The following WDR27 variants were observed in gnomAD, a reference collection of about 807,000 sequenced individuals.
WDR27 encodes the protein WD repeat-containing protein 27.
A neutral mutation model predicts 114.4 loss-of-function variants in WDR27; 100 were observed. That is an observed-to-expected ratio of 0.87 (90% confidence interval 0.74 to 1.03). The LOEUF is 1.03. WDR27 is among the 50% of genes least tolerant of loss of function. The pLI is 0.00. For missense variants in WDR27, 1,129 were observed against 1,092.9 expected, an observed-to-expected ratio of 1.03 and a Z score of -0.47; for synonymous variants, 449 against 423.1, an observed-to-expected ratio of 1.06 and a Z score of -0.75.
chr6:169,450,912 C>T, the WDR27 span, among the ~76,000 whole-genome samples: 1 of 152,138 alleles, frequency 6.6e-6, no homozygotes, highest in Non-Finnish European at 1.5e-5. Flanking sequence ...GAATGAAGCT[C>T]CTATGAACAG....
intron 2 of WDR27, among the ~76,000 whole-genome samples, chr6:169,677,150 G>C (rs192763431): frequency 6.6e-6 from 1 of 152,350 alleles, no homozygotes; most frequent in East Asian, 1.9e-4. Flanking sequence ...AGGAAGACGA[G>C]ATGCTGAGGG....
At chr6:169,639,500 A>C (rs1818622700) in intron 17 of WDR27, among the ~76,000 whole-genome samples, 1 of 151,800 alleles carries the variant, frequency 6.6e-6, no homozygotes, top group South Asian at 2.1e-4. Flanking sequence ...CTGAGCACAC[A>C]CATATAAGTT....
rs1204810938 is a variant in WDR27, at chr6:169,645,045, A to T, written c.1658-1259T>A. Among the ~76,000 whole-genome samples, 29 of 60,726 alleles carry T rather than the reference A, an allele frequency of 4.8e-4. 7 individuals are homozygous for T. Among genetic ancestry groups the T allele is most frequent in the African/African-American group, 6.8e-4 (6 of 8,784 alleles). The allele number at this position is 60,726 out of a possible 152,430, so 39.8% of individuals were successfully genotyped here. ...AAATAAAAAAAAAAAATAAAAAAAAAAAAAAAAAAAAAAGAAAATCCTAGT... is the reference window on the plus strand; with the variant it reads ...AAATAAAAAAAAAAAATAAAAAAAATAAAAAAAAAAAAAGAAAATCCTAGT... On this transcript the variant is annotated intron_variant, in intron 16 of 25. Coordinates refer to ENST00000448612, the MANE Select transcript of WDR27 (RefSeq NM_182552.5).
At chr6:169,691,420 G>A (rs1045949531) in intron 1 of WDR27, among the ~76,000 whole-genome samples, 14 of 151,992 alleles carry the variant, frequency 9.2e-5, no homozygotes, top group Admixed American at 2.6e-4. Flanking sequence ...ACCTTCCAAA[G>A]CTACCACAGT....
At chr6:169,529,316 G>C (rs1347337240) in intron 25 of WDR27, among the ~76,000 whole-genome samples, 5 of 142,082 alleles carry the variant, frequency 3.5e-5, no homozygotes, top group African/African-American at 1.3e-4. Context: ...CCTCTGCGGG[G>C]GGGGGGGGCA....
At chr6:169,473,383 T>C (rs968686558) in intron 25 of WDR27, among the ~76,000 whole-genome samples, 1 of 152,158 alleles carries the variant, frequency 6.6e-6, no homozygotes, top group Admixed American at 6.5e-5. Flanking sequence ...CTTTATTTTA[T>C]GGAAAATGGG....
intron 24 of WDR27, among the ~76,000 whole-genome samples, chr6:169,575,999 C>T (rs1014956092): frequency 1.3e-5 from 2 of 152,244 alleles, no homozygotes; most frequent in African/African-American, 4.8e-5. Context: ...AGAAGCGTTG[C>T]TATTTCAGAG....
At chr6:169,602,177 G>T (rs1329636219) in intron 23 of WDR27, 42 bp downstream of exon 23, 3 of 1,450,502 alleles carry the variant, frequency 2.1e-6, no homozygotes, top group South Asian at 1.3e-5. Flanking sequence ...CATTACCAAA[G>T]TCTAGACTCT....
intron 25 of WDR27, among the ~76,000 whole-genome samples, chr6:169,483,400 C>T (rs189878348): frequency 2.0e-5 from 3 of 152,208 alleles, no homozygotes; most frequent in Non-Finnish European, 2.9e-5. Context: ...TCTATGCATA[C>T]GAACTAGAAA....
intron 25 of WDR27, among the ~76,000 whole-genome samples, chr6:169,498,095 A>G (rs1790641197): frequency 6.6e-6 from 1 of 152,076 alleles, no homozygotes; most frequent in Non-Finnish European, 1.5e-5. Context: ...AAATTCTAAT[A>G]TATGCTTCAA....
intron 18 of WDR27, 104 bp from the exon 19 acceptor site, chr6:169,636,608 T>C: frequency 8.3e-7 from 1 of 1,200,708 alleles, no homozygotes; most frequent in Non-Finnish European, 1.1e-6. Context: ...CATCTATTTG[T>C]TCTAAATGTG....
chr6:169,682,246 C>A (rs1781729214), intron 2 of WDR27, among the ~76,000 whole-genome samples: 1 of 152,218 alleles, frequency 6.6e-6, no homozygotes, highest in Non-Finnish European at 1.5e-5. Context: ...GGGACCCAGT[C>A]TCAGTTCTGG....
chr6:169,681,845 G>A (rs1781595615), intron 2 of WDR27, among the ~76,000 whole-genome samples: 1 of 152,024 alleles, frequency 6.6e-6, no homozygotes, highest in Non-Finnish European at 1.5e-5. Context: ...TCAGCTCTGG[G>A]CTCTTCTGCT....
At chr6:169,451,793 A>AT in the WDR27 span, among the ~76,000 whole-genome samples, 3 of 152,030 alleles carry the variant, frequency 2.0e-5, no homozygotes, top group Non-Finnish European at 4.4e-5. Flanking sequence ...ATACTGAGAA[A>AT]TTTTTTCTTT....
chr6:169,472,633 A>G (rs1209659653), intron 25 of WDR27, among the ~76,000 whole-genome samples: 7 of 152,238 alleles, frequency 4.6e-5, no homozygotes, highest in Non-Finnish European at 1.0e-4. Context: ...GATATAGATA[A>G]GAAAGAAAAA....
chr6:169,480,495 G>A (rs1037009805), intron 25 of WDR27, among the ~76,000 whole-genome samples: 3 of 152,260 alleles, frequency 2.0e-5, no homozygotes, highest in African/African-American at 7.2e-5. Flanking sequence ...GGCGAAGCCA[G>A]CTGGGCTCCT....
At chr6:169,607,108 G>C (rs994001378) in intron 22 of WDR27, among the ~76,000 whole-genome samples, 1 of 152,174 alleles carries the variant, frequency 6.6e-6, no homozygotes, top group African/African-American at 2.4e-5. Flanking sequence ...CAAGGATGCA[G>C]GGAAAAGGGA....
At chr6:169,502,801 G>T (rs1453260019) in intron 25 of WDR27, among the ~76,000 whole-genome samples, 1 of 152,094 alleles carries the variant, frequency 6.6e-6, no homozygotes, top group East Asian at 1.9e-4. Context: ...ACGTTCCAGG[G>T]GTTAGGACTT....
intron 25 of WDR27, among the ~76,000 whole-genome samples, chr6:169,481,915 C>G (rs1788200471): frequency 6.6e-6 from 1 of 152,216 alleles, no homozygotes; most frequent in Admixed American, 6.5e-5. Flanking sequence ...TTCTTGAAGT[C>G]AGGCAGACCA....
Sources: gnomAD v4.1 joint callset for allele counts (sites outside exome capture counted in the v4.1 genomes callset) on GRCh38, gnomAD v4.1.1 for gene constraint, MANE v1.5 for transcripts, NCBI Gene and HGNC (gene_info 2026-07-23, HGNC 2026-07-21) for gene names.